GON4L: variants seen among roughly 807,000 people sequenced by gnomAD.
GON4L encodes the protein gon-4 like.
GON4L carries 87 observed loss-of-function variants against 211.8 expected under a neutral mutation model. That is an observed-to-expected ratio of 0.41 (90% CI 0.35 to 0.49). The LOEUF (loss-of-function observed/expected upper bound fraction) is 0.49, where lower values mean the gene tolerates loss of function less well. Ranked by LOEUF, GON4L falls within the 20% of genes least tolerant of loss-of-function variation. The pLI is 0.15. For synonymous variants in GON4L, 875 were observed against 962.6 expected (o/e 0.91, Z 1.68); for missense variants, 2,155 against 2,659.5 (o/e 0.81, Z 4.17).
chr1:155,796,707 T>C (rs1666101140), intron 11 of GON4L, among the ~76,000 whole-genome samples: 1 of 152,192 alleles, frequency 6.6e-6, no homozygotes, highest in African/African-American at 2.4e-5. Flanking sequence ...AGATCAGTGT[T>C]GTCTAACAGA....
intron 19 of GON4L, among the ~76,000 whole-genome samples, chr1:155,769,179 T>C (rs577142098): frequency 6.6e-6 from 1 of 152,234 alleles, no homozygotes; most frequent in South Asian, 2.1e-4. Flanking sequence ...TTTCACCATA[T>C]TGCCCAGGCT....
At chr1:155,777,515 G>A in intron 15 of GON4L, 107 bp downstream of exon 15, 1 of 862,148 alleles carries the variant, frequency 1.2e-6, no homozygotes, top group Non-Finnish European at 2.0e-6. Flanking sequence ...GAAAGCAGAG[G>A]TTGAAGTGAG....
chr1:155,745,627 CG>C (rs1660229555), downstream of GON4L, among the ~76,000 whole-genome samples: 1 of 152,176 alleles, frequency 6.6e-6, no homozygotes, highest in Non-Finnish European at 1.5e-5. Context: ...CCGCCTCTCG[CG>C]GCAACCACAG....
intron 19 of GON4L, among the ~76,000 whole-genome samples, chr1:155,770,143 T>C (rs767048191): frequency 1.3e-5 from 2 of 151,128 alleles, no homozygotes; most frequent in Non-Finnish European, 2.9e-5. Context: ...GCCCAGTAGC[T>C]GGAGCTTACA....
chr1:155,772,451 C>T (rs1232969785), intron 18 of GON4L, among the ~76,000 whole-genome samples: 1 of 151,812 alleles, frequency 6.6e-6, no homozygotes, highest in Non-Finnish European at 1.5e-5. Flanking sequence ...ACACAAAGGG[C>T]CATAAAAATG....
In GON4L at chr1:155,766,349, G is replaced by A. The variant is rs1356717560; in HGVS notation, c.3124C>T (p.Pro1042Ser). 1.2e-6 allele frequency: 2 copies of A among 1,614,014 alleles called. No individual in the cohort carries two copies. The highest frequency in any genetic ancestry group is 2.7e-5 in the African/African-American group (2 of 74,888). Residue 1042 changes from proline to serine, a missense_variant, in exon 21 of 32, where the codon CCA (proline) becomes TCA (serine). Transcript: ENST00000368331. ...TGTAAAACAGTGGCTGGCTGTATTG[G>A]GTGAGGAATCCGGAGCACCATTTTG... The part of the protein sequence containing the change: ...PSKMVLRIPH[P>S]IQPATVLQTV...
Position 155,781,406 on chromosome 1 carries a change from A to C in GON4L, c.1892+2580T>G, listed in dbSNP as rs146940522. 6.7e-3 allele frequency among the ~76,000 whole-genome samples: 1,018 copies of C among 152,030 alleles called. 11 individuals carry two copies. The highest frequency in any genetic ancestry group is 0.023 in the African/African-American group (966 of 41,450). On this transcript the variant is annotated intron_variant, in intron 14 of 31. Transcript: ENST00000368331. ...GGTGATATGCCTGCTTCGGCATCCC[A>C]AAGTGCTGGGATTACAGGTGCCAGC...
At chr1:155,847,242 T>G (rs1388358243) in intron 2 of GON4L, among the ~76,000 whole-genome samples, 2 of 152,040 alleles carry the variant, frequency 1.3e-5, no homozygotes, top group Non-Finnish European at 2.9e-5. Context: ...TTGTTTACCT[T>G]GAAAGACACA....
chr1:155,855,033 T>A (rs574215968), intron 1 of GON4L, among the ~76,000 whole-genome samples: 1 of 142,908 alleles, frequency 7.0e-6, no homozygotes, highest in African/African-American at 2.6e-5. Context: ...CGAAACTCCA[T>A]CTCAAAAAAA....
intron 20 of GON4L, 53 bp from the exon 21 acceptor site, chr1:155,766,762 G>C: frequency 6.2e-7 from 1 of 1,609,700 alleles, no homozygotes; most frequent in Non-Finnish European, 8.5e-7. Flanking sequence ...TTGGGAAAAA[G>C]AGGCTTGGCA....
intron 11 of GON4L, among the ~76,000 whole-genome samples, chr1:155,800,489 G>C (rs1449352158): frequency 6.7e-6 from 1 of 148,236 alleles, no homozygotes; most frequent in African/African-American, 2.5e-5. Flanking sequence ...CCTGAGAGGC[G>C]GAGGTTGCGG....
chr1:155,793,039 G>A (rs767418301), intron 12 of GON4L, among the ~76,000 whole-genome samples: 17 of 151,908 alleles, frequency 1.1e-4, no homozygotes, highest in South Asian at 6.2e-4. Flanking sequence ...CCCAAGTGCC[G>A]GGATTATAGC....
At chr1:155,843,303 T>G (rs2102427930) in intron 2 of GON4L, among the ~76,000 whole-genome samples, 1 of 152,284 alleles carries the variant, frequency 6.6e-6, no homozygotes, top group African/African-American at 2.4e-5. Flanking sequence ...GATTGCAGAA[T>G]CTGTCATCAG....
intron 14 of GON4L, among the ~76,000 whole-genome samples, chr1:155,781,553 C>G (rs1298126187): frequency 6.6e-6 from 1 of 152,038 alleles, no homozygotes; most frequent in Non-Finnish European, 1.5e-5. Flanking sequence ...ACTTCTGCGT[C>G]CTGGGTTCAA....
chr1:155,822,029 T>G (rs892598471), intron 4 of GON4L, among the ~76,000 whole-genome samples: 1 of 152,168 alleles, frequency 6.6e-6, no homozygotes, highest in Non-Finnish European at 1.5e-5. Flanking sequence ...ACAGTAAATA[T>G]GAAAATCAGT....
chr1:155,764,355 T>C (rs1022601713), intron 21 of GON4L: 1 of 162,856 alleles, frequency 6.1e-6, no homozygotes, highest in African/African-American at 2.4e-5. Flanking sequence ...CGACCTCAGG[T>C]GATCTGCCCG....
chr1:155,776,012 G>A (rs1000160186), intron 16 of GON4L, among the ~76,000 whole-genome samples: 1 of 152,022 alleles, frequency 6.6e-6, no homozygotes, highest in Non-Finnish European at 1.5e-5. Flanking sequence ...GGAACTACTG[G>A]GGTCATATAA....
intron 2 of GON4L, chr1:155,832,970 A>G (rs1464478153): frequency 6.6e-6 from 1 of 152,030 alleles, no homozygotes; most frequent in Non-Finnish European, 1.5e-5. Context: ...AAAAAAAAAA[A>G]AAAAAAAAGT....
chr1:155,780,889 T>C (rs1277760721), intron 14 of GON4L, among the ~76,000 whole-genome samples: 7 of 152,110 alleles, frequency 4.6e-5, no homozygotes, highest in South Asian at 2.1e-4. Context: ...TTTTCAATAG[T>C]TAATTTTTAA....
Sources: allele counts gnomAD v4.1 joint callset (sites outside exome capture counted in the v4.1 genomes callset), GRCh38; gene constraint gnomAD v4.1.1; transcripts MANE v1.5; gene names NCBI Gene and HGNC (gene_info 2026-07-23, HGNC 2026-07-21).